PRKAG2: variants seen among roughly 807,000 people sequenced by gnomAD.
The protein encoded by PRKAG2 is 5'-AMP-activated protein kinase subunit gamma-2.
In PRKAG2, 26 loss-of-function variants were observed where a neutral mutation model predicts 69.6. The observed-to-expected ratio is 0.37, with a 90% CI of 0.27 to 0.52. PRKAG2 has a LOEUF of 0.52. Among genes scored for constraint, PRKAG2 ranks in the 20% least tolerant of loss-of-function variants. PRKAG2 has a pLI of 0.90. For synonymous variants in PRKAG2, 293 were observed against 285.0 expected (o/e 1.03, Z -0.28); for missense variants, 557 against 740.0 (o/e 0.75, Z 2.87).
intron 1 of PRKAG2, among the ~76,000 whole-genome samples, chr7:151,795,586 G>C (rs1485862569): frequency 6.6e-6 from 1 of 152,126 alleles, no homozygotes; most frequent in Non-Finnish European, 1.5e-5. Flanking sequence ...TACCAAGCAG[G>C]TGGCTGCCGT....
intron 1 of PRKAG2, among the ~76,000 whole-genome samples, chr7:151,868,466 G>A (rs970927787): frequency 2.0e-5 from 3 of 152,238 alleles, no homozygotes; most frequent in South Asian, 4.1e-4. Context: ...ATCTCAGAGC[G>A]AGTCACGGTT....
chr7:151,854,967 CCTCCACACACACCATG>C (rs1465332439), intron 1 of PRKAG2, among the ~76,000 whole-genome samples: 3 of 27,498 alleles, frequency 1.1e-4, no homozygotes, highest in Non-Finnish European at 2.7e-4. Flanking sequence ...CACATACCAC[CCTCCACACACACCATG>C]CTCCACACAC....
chr7:151,815,186 T>G (rs1586656378), intron 1 of PRKAG2, among the ~76,000 whole-genome samples: 1 of 129,398 alleles, frequency 7.7e-6, no homozygotes, highest in East Asian at 2.2e-4. Flanking sequence ...TACACTCCAT[T>G]CCCCCAACTC....
At chr7:151,794,361 T>C (rs951709512) in intron 1 of PRKAG2, among the ~76,000 whole-genome samples, 1 of 152,224 alleles carries the variant, frequency 6.6e-6, no homozygotes, top group African/African-American at 2.4e-5. Context: ...ATTCACGTCT[T>C]ATGTGGAGCA....
chr7:151,564,786 C>T (rs73727850), intron 13 of PRKAG2, among the ~76,000 whole-genome samples: 2,184 of 151,558 alleles, frequency 0.014, 49 homozygotes, highest in African/African-American at 0.049. Flanking sequence ...ACCAAAATGC[C>T]GATCAGCATA....
chr7:151,640,426 A>G (rs1438615473), intron 4 of PRKAG2, among the ~76,000 whole-genome samples: 1 of 152,146 alleles, frequency 6.6e-6, no homozygotes, highest in East Asian at 1.9e-4. Context: ...GGGCCTGATC[A>G]TTTATTCACC....
At chr7:151,623,931 C>T (rs985906147) in intron 5 of PRKAG2, among the ~76,000 whole-genome samples, 2 of 152,018 alleles carry the variant, frequency 1.3e-5, no homozygotes, top group Non-Finnish European at 2.9e-5. Context: ...GAGGTCTTGA[C>T]GGAACAATGA....
chr7:151,692,090 A>G (rs1219836791), intron 3 of PRKAG2, among the ~76,000 whole-genome samples: 1 of 152,064 alleles, frequency 6.6e-6, no homozygotes, highest in Non-Finnish European at 1.5e-5. Context: ...TGGGAGGCTG[A>G]GGTGTGAGGA....
intron 5 of PRKAG2, among the ~76,000 whole-genome samples, chr7:151,624,137 C>CGTGTGTGTGTGT (rs58644630): frequency 6.9e-6 from 1 of 145,084 alleles, no homozygotes; most frequent in African/African-American, 2.6e-5. Flanking sequence ...CAGAAGGCAG[C>CGTGTGTGTGTGT]GTGTGTGTGT....
intron 1 of PRKAG2, among the ~76,000 whole-genome samples, chr7:151,829,600 A>T (rs546132611): frequency 6.6e-6 from 1 of 152,184 alleles, no homozygotes; most frequent in Non-Finnish European, 1.5e-5. Flanking sequence ...TATTGATAAT[A>T]GCCAAAAGGC....
intron 1 of PRKAG2, among the ~76,000 whole-genome samples, chr7:151,826,748 T>G (rs2078912470): frequency 6.6e-6 from 1 of 152,198 alleles, no homozygotes; most frequent in Non-Finnish European, 1.5e-5. Flanking sequence ...CATTCTCCAT[T>G]TATTTTTTTC....
chr7:151,678,176 G>A (rs918620062), intron 3 of PRKAG2, among the ~76,000 whole-genome samples: 1 of 152,140 alleles, frequency 6.6e-6, no homozygotes, highest in African/African-American at 2.4e-5. Context: ...CCTTTTCACT[G>A]TCCTGTATGT....
intron 4 of PRKAG2, among the ~76,000 whole-genome samples, chr7:151,672,775 G>A (rs1832275208): frequency 2.0e-5 from 3 of 152,042 alleles, no homozygotes; most frequent in South Asian, 2.1e-4. Context: ...ATCCATTCAC[G>A]ACATTTGGAT....
At chr7:151,604,155 C>G (rs1327660546) in intron 5 of PRKAG2, among the ~76,000 whole-genome samples, 1 of 152,132 alleles carries the variant, frequency 6.6e-6, no homozygotes, top group Admixed American at 6.5e-5. Flanking sequence ...GGCTGGGGAG[C>G]TGTGGGAGTG....
intron 4 of PRKAG2, among the ~76,000 whole-genome samples, chr7:151,663,559 T>G (rs1175066863): frequency 1.3e-5 from 2 of 152,120 alleles, no homozygotes; most frequent in Non-Finnish European, 1.5e-5. Context: ...GATGGGGTTT[T>G]GCCGTGTTGA....
intron 3 of PRKAG2, among the ~76,000 whole-genome samples, chr7:151,683,485 C>T (rs1253676946): frequency 6.6e-6 from 1 of 152,184 alleles, no homozygotes; most frequent in Non-Finnish European, 1.5e-5. Flanking sequence ...ATGGAATGAG[C>T]TAGAGCCTCA....
At chr7:151,803,198 T>A (rs918626298) in intron 1 of PRKAG2, among the ~76,000 whole-genome samples, 3 of 152,136 alleles carry the variant, frequency 2.0e-5, no homozygotes, top group Admixed American at 1.3e-4. Flanking sequence ...CCTCAAGGGA[T>A]CTGCCTGCCT....
intron 3 of PRKAG2, among the ~76,000 whole-genome samples, chr7:151,683,069 CA>C (rs777810148): frequency 6.6e-6 from 1 of 152,254 alleles, no homozygotes; most frequent in Non-Finnish European, 1.5e-5. Flanking sequence ...CCAGCCTCTG[CA>C]GTGAACAATG....
chr7:151,684,655 G>A (rs751706416), intron 3 of PRKAG2, among the ~76,000 whole-genome samples: 1 of 152,170 alleles, frequency 6.6e-6, no homozygotes, highest in Non-Finnish European at 1.5e-5. Flanking sequence ...TTGCCTGGGG[G>A]ACAGGAGTGT....
Sources: gnomAD v4.1 joint callset for allele counts (sites outside exome capture counted in the v4.1 genomes callset) on GRCh38, gnomAD v4.1.1 for gene constraint, MANE v1.5 for transcripts, NCBI Gene and HGNC (gene_info 2026-07-23, HGNC 2026-07-21) for gene names.